The following RICTOR variants were observed in gnomAD, a reference collection of about 807,000 sequenced individuals.
RICTOR encodes rapamycin-insensitive companion of mTOR.
A neutral mutation model predicts 214.9 loss-of-function variants in RICTOR; 49 were observed. The observed-to-expected ratio is 0.23, with a 90% CI of 0.18 to 0.29. The LOEUF (loss-of-function observed/expected upper bound fraction) is 0.29. Among genes scored for constraint, RICTOR ranks in the 10% least tolerant of loss-of-function variants. The probability of loss-of-function intolerance (pLI) is 1.00; values close to 1 mark genes in which losing one functional copy is unlikely to be tolerated. For missense variants in RICTOR, 1,625 were observed against 2,047.0 expected (o/e 0.79, Z 3.98); for synonymous variants, 717 against 711.3 (o/e 1.01, Z -0.13).
chr5:38,946,547 C>G lies in RICTOR; in HGVS notation c.4320G>C (p.Lys1440Asn), dbSNP rs563978038. 6.3e-7 allele frequency: 1 copy of G among 1,588,512 alleles called. No homozygotes were observed. The highest frequency in any genetic ancestry group is 1.7e-4 in the Middle Eastern group (1 of 5,994). Residue 1440 changes from lysine to asparagine, a missense_variant, in exon 33 of 38, where the codon AAG becomes AAC. This residue lies in a region of RICTOR where 1,214 missense variants were observed against 1,470.5 expected (regional missense o/e 0.83). Coordinates refer to ENST00000357387, the MANE Select transcript of RICTOR (RefSeq NM_152756.5). The stretch of plus-strand genomic sequence containing the variant: ...TTTTTGTCTGAAAATAGGGAATATC[C>G]TTTACCTAAAAAAAGATATAAACCA... Reference protein sequence around the residue: ...PVDINDIFQVKDIPYFQTKNI... With the variant: ...PVDINDIFQVNDIPYFQTKNI...
chr5:39,000,026 G>T (rs994530933), intron 5 of RICTOR, among the ~76,000 whole-genome samples: 15 of 151,802 alleles, frequency 9.9e-5, no homozygotes, highest in Admixed American at 2.6e-4. Context: ...AATAAAGAGG[G>T]TTATTTTATA....
intron 7 of RICTOR, among the ~76,000 whole-genome samples, chr5:38,983,774 A>G (rs1751922272): frequency 2.0e-5 from 3 of 152,166 alleles, no homozygotes; most frequent in Non-Finnish European, 1.5e-5. Flanking sequence ...CATCCTGGCC[A>G]ACATGGTGAA....
intron 2 of RICTOR, among the ~76,000 whole-genome samples, chr5:39,044,581 A>G (rs1025260268): frequency 1.3e-5 from 2 of 152,214 alleles, no homozygotes; most frequent in Admixed American, 1.3e-4. Flanking sequence ...CAAGATATGA[A>G]ATAATATAAT....
chr5:39,049,738 T>C (rs1186427733), intron 2 of RICTOR, among the ~76,000 whole-genome samples: 1 of 151,184 alleles, frequency 6.6e-6, no homozygotes, highest in Non-Finnish European at 1.5e-5. Flanking sequence ...AAAAATATCA[T>C]AACTGAAATA....
chr5:38,945,174 T>C, intron 34 of RICTOR, 106 bp from the exon 35 acceptor site: 1 of 833,386 alleles, frequency 1.2e-6, no homozygotes, highest in Non-Finnish European at 1.8e-6. Context: ...CTTCTCTAAT[T>C]GTATGCAATA....
chr5:39,009,683 T>C (rs544558058), intron 3 of RICTOR, among the ~76,000 whole-genome samples: 1 of 152,214 alleles, frequency 6.6e-6, no homozygotes, highest in South Asian at 2.1e-4. Flanking sequence ...TTAATCAGTC[T>C]TAAATGAAAA....
chr5:39,065,198 A>C (rs945554439), intron 2 of RICTOR, among the ~76,000 whole-genome samples: 3 of 152,160 alleles, frequency 2.0e-5, no homozygotes, highest in African/African-American at 7.2e-5. Context: ...GGAAGCTTTT[A>C]CTCATAGCAA....
chr5:39,040,660 G>T (rs10078168), intron 2 of RICTOR, among the ~76,000 whole-genome samples: 100,604 of 151,730 alleles, frequency 0.66, 33,974 homozygotes, highest in African/African-American at 0.8. Flanking sequence ...AAAACAGGTT[G>T]TCCCCTAGAT....
At chr5:39,066,498 A>G (rs953713495) in intron 2 of RICTOR, among the ~76,000 whole-genome samples, 2 of 152,228 alleles carry the variant, frequency 1.3e-5, no homozygotes, top group African/African-American at 4.8e-5. Flanking sequence ...AATTATGCAA[A>G]TATCTCTAGC....
At chr5:39,018,816 C>T (rs1755165044) in intron 3 of RICTOR, among the ~76,000 whole-genome samples, 1 of 152,158 alleles carries the variant, frequency 6.6e-6, no homozygotes, top group South Asian at 2.1e-4. Context: ...AGTCAACCAT[C>T]TCTCACTTTA....
At chr5:39,025,328 C>T (rs1324129758) in intron 2 of RICTOR, among the ~76,000 whole-genome samples, 3 of 152,090 alleles carry the variant, frequency 2.0e-5, no homozygotes, top group African/African-American at 7.2e-5. Flanking sequence ...TTAAAGTTTC[C>T]CTGGTAATAA....
At chr5:38,979,214 A>T (rs1320639847) in intron 8 of RICTOR, among the ~76,000 whole-genome samples, 1 of 152,070 alleles carries the variant, frequency 6.6e-6, no homozygotes, top group Admixed American at 6.5e-5. Context: ...GAGTGGTGTG[A>T]TCACAGCTTA....
chr5:39,037,903 A>G (rs149332497), intron 2 of RICTOR, among the ~76,000 whole-genome samples: 6,848 of 152,250 alleles, frequency 0.045, 285 homozygotes, highest in African/African-American at 0.1. Flanking sequence ...AGGAGGAGCT[A>G]GTATCATTCC....
In RICTOR at chr5:38,955,579, A is replaced by AT. The variant is rs1561453886; in HGVS notation, c.2609+15dup. The AT allele has an allele frequency of 7.4e-7, 1 of 1,350,178 alleles. No individual in the cohort carries two copies. Among genetic ancestry groups the AT allele is most frequent in the East Asian group, 2.3e-5 (1 of 43,532 alleles). The allele number at this position is 1,350,178 out of a possible 1,614,324, so 83.6% of individuals were successfully genotyped here. On this transcript the variant is annotated intron_variant, in intron 26 of 37. Transcript: ENST00000357387. ...TTATGATGAACTAGTTTTAAATCTG[A>AT]TAACTGGGTACGCACCTTTGGTTAC...
chr5:38,989,605 C>G (rs888847554), intron 7 of RICTOR, among the ~76,000 whole-genome samples: 5 of 152,152 alleles, frequency 3.3e-5, no homozygotes, highest in African/African-American at 1.2e-4. Context: ...ATCTATCCAT[C>G]TGACAAAGGG....
intron 2 of RICTOR, among the ~76,000 whole-genome samples, chr5:39,054,858 T>G (rs1229572522): frequency 6.6e-6 from 1 of 152,220 alleles, no homozygotes; most frequent in Non-Finnish European, 1.5e-5. Flanking sequence ...ATTAAAGTAA[T>G]TAGGGTTATA....
At position 38,940,784 on chromosome 5, in the gene RICTOR, T is replaced by C. The variant is rs747117021; in HGVS notation, c.*1520A>G. The C allele has an allele frequency of 4.3e-6, 1 of 232,062 alleles. No individual in the cohort carries two copies. The highest frequency in any genetic ancestry group is 2.2e-5 in the African/African-American group (1 of 45,286). 14.4% of individuals were successfully genotyped at this position (232,062 alleles called of 1,614,324 possible). A position where few individuals can be genotyped will look rare whatever the true frequency, so the allele number is the denominator to read the frequency against. On this transcript the variant is annotated 3_prime_UTR_variant, in exon 38 of 38. Coordinates refer to ENST00000357387, the MANE Select transcript of RICTOR (RefSeq NM_152756.5). ...AGTAAATAAATTTTTTAAAAAAGTA[T>C]CTCTGTGAGTTATGTTTTCTAGTTC...
In RICTOR at chr5:39,032,918, G is replaced by T. The variant is rs367779433; in HGVS notation, c.98-11782C>A. Among the ~76,000 whole-genome samples, 48 of 152,246 alleles carry T rather than the reference G, an allele frequency of 3.2e-4. 3 individuals are homozygous for T. The highest frequency in any genetic ancestry group is 1.1e-3 in the African/African-American group (47 of 41,544). On this transcript the variant is annotated intron_variant, in intron 2 of 37. Coordinates refer to ENST00000357387, the MANE Select transcript of RICTOR (RefSeq NM_152756.5). Reference sequence around the variant, plus strand: ...AACTTTGTCATTCTTTAGAAGTCTAGCTCAGACTAGATTAGTAAAGGTTTT... The same window carrying T: ...AACTTTGTCATTCTTTAGAAGTCTATCTCAGACTAGATTAGTAAAGGTTTT...
At position 38,978,634 on chromosome 5, in the gene RICTOR, T is replaced by A. The variant is rs561812027; in HGVS notation, c.770A>T (p.Tyr257Phe). The change falls in exon 9 of 38, where the codon TAT becomes TTT. Residue 257 changes from tyrosine (Y) to phenylalanine (F), a missense_variant. Tyr to Phe is a conservative substitution (Grantham distance 22). Around this residue, in one of 5 missense-constraint regions of RICTOR, gnomAD observed 258 missense variants for 393.7 expected, o/e 0.66. Coordinates refer to ENST00000357387, the MANE Select transcript of RICTOR (RefSeq NM_152756.5). ...DVELERILAP[Y>F]TDFHYRHSPD... ...ACTATGTCTGTAGTGAAAATCAGTA[T>A]AGGGTGCTAAAATTCTCTATTTAAA... is the stretch of plus-strand genomic sequence containing the variant. 1.1e-5 allele frequency: 17 copies of A among 1,552,982 alleles called. No homozygotes were observed. The Admixed American group carries it at 2.6e-4, about 24-fold the overall frequency.
Sources: gnomAD v4.1 joint callset for allele counts (sites outside exome capture counted in the v4.1 genomes callset) on GRCh38, gnomAD v4.1.1 for gene constraint, gnomAD v4.1.1 regional missense constraint, MANE v1.5 for transcripts, NCBI Gene and HGNC (gene_info 2026-07-23, HGNC 2026-07-21) for gene names.